TMOD3: variants seen among roughly 807,000 people sequenced by gnomAD.
TMOD3 encodes the protein tropomodulin-3.
A neutral mutation model predicts 39.2 loss-of-function variants in TMOD3; 20 were observed. The ratio of observed to expected loss-of-function variants is 0.51; its 90% confidence interval spans 0.36 to 0.74. The LOEUF is 0.74. TMOD3 is among the 30% of genes least tolerant of loss of function. The probability of loss-of-function intolerance (pLI) is 0.00; values close to 1 mark genes in which losing one functional copy is unlikely to be tolerated. For synonymous variants in TMOD3, 143 were observed against 145.8 expected (o/e 0.98, Z 0.14); for missense variants, 381 against 412.8 (o/e 0.92, Z 0.67).
At chr15:51,861,570 A>T (rs958070275) in intron 1 of TMOD3, among the ~76,000 whole-genome samples, 4 of 152,232 alleles carry the variant, frequency 2.6e-5, no homozygotes, top group African/African-American at 4.8e-5. Context: ...AAATGTATCA[A>T]ACTGAAGTAC....
chr15:51,865,899 A>G (rs1355148534), intron 2 of TMOD3, among the ~76,000 whole-genome samples: 2 of 151,860 alleles, frequency 1.3e-5, no homozygotes, highest in Admixed American at 1.3e-4. Flanking sequence ...TTTGCCAAAA[A>G]AAAAATATAT....
chr15:51,902,623 C>T (rs2056657059), intron 9 of TMOD3, among the ~76,000 whole-genome samples: 2 of 148,078 alleles, frequency 1.4e-5, no homozygotes, highest in South Asian at 4.4e-4. Context: ...GGCGTGCGCG[C>T]CGTGCCCAGC....
chr15:51,872,325 G>A (rs751928420), intron 3 of TMOD3, among the ~76,000 whole-genome samples: 16 of 151,932 alleles, frequency 1.1e-4, no homozygotes, highest in Non-Finnish European at 1.8e-4. Context: ...CTCAGGAGGC[G>A]GAGATTGCAG....
chr15:51,857,514 A>G (rs2056394315), intron 1 of TMOD3, among the ~76,000 whole-genome samples: 1 of 152,174 alleles, frequency 6.6e-6, no homozygotes, highest in South Asian at 2.1e-4. Context: ...GGCATATAGC[A>G]TTGCCTGCCT....
At chr15:51,894,939 C>G (rs60921686) in intron 6 of TMOD3, among the ~76,000 whole-genome samples, 1 of 152,106 alleles carries the variant, frequency 6.6e-6, no homozygotes, top group African/African-American at 2.4e-5. Context: ...GCAACTCTTC[C>G]TTGGAGTAAG....
intron 1 of TMOD3, among the ~76,000 whole-genome samples, chr15:51,855,731 C>A (rs2056384435): frequency 6.6e-6 from 1 of 152,140 alleles, no homozygotes; most frequent in African/African-American, 2.4e-5. Context: ...AGAATTTGTT[C>A]CTCTTCTAGA....
rs574092806 is a variant in TMOD3 at position 51,839,197 on chromosome 15, G to C, written c.-75+9361G>C. ...TTTTTTTCCATTTTGTTTGAGACTG[G>C]GTCTCACTCTGTTGCCTAGGCTGGA... On this transcript the variant is annotated intron_variant, in intron 1 of 9. Coordinates refer to ENST00000308580, the MANE Select transcript of TMOD3 (RefSeq NM_014547.5). 2.3e-3 allele frequency among the ~76,000 whole-genome samples: 183 copies of C among 80,566 alleles called. 1 individual carries two copies. The highest frequency in any genetic ancestry group is 7.0e-3 in the African/African-American group (178 of 25,582). The allele number at this position is 80,566 out of a possible 152,430, so 52.9% of individuals were successfully genotyped here.
rs1595903290 is a variant in TMOD3 at position 51,880,265 on chromosome 15, A to T, written c.284-7324A>T. On this transcript the variant is annotated intron_variant, in intron 3 of 9. Transcript: ENST00000308580. ...AGGGAACCAAATATAAATTTACTGAAGACCAAAAAACCCATACTAATAAGT... is the reference window on the plus strand; with the variant it reads ...AGGGAACCAAATATAAATTTACTGATGACCAAAAAACCCATACTAATAAGT... Among the ~76,000 whole-genome samples, 3 of 152,192 alleles carry T rather than the reference A, an allele frequency of 2.0e-5. No homozygotes were observed. In the South Asian group the frequency reaches 6.2e-4, roughly 31 times the overall value.
Position 51,905,938 on chromosome 15 carries a change from G to A in TMOD3, c.1025-2838G>A, listed in dbSNP as rs189087288. Among the ~76,000 whole-genome samples the A allele has an allele frequency of 2.8e-3, 298 of 106,248 alleles. 1 individual carries two copies. Among genetic ancestry groups the A allele is most frequent in the African/African-American group, 0.012 (281 of 23,816 alleles). 69.7% of individuals were successfully genotyped at this position (106,248 alleles called of 152,430 possible). ...CGCAGTCCGGCCTGGGCAACAGAGC[G>A]AGACTCCGTCTCAAAAAAAAAAAAA... is the stretch of plus-strand genomic sequence containing the variant. On this transcript the variant is annotated intron_variant, in intron 9 of 9. Transcript: ENST00000308580.
At chr15:51,886,038 C>T (rs1360291426) in intron 3 of TMOD3, among the ~76,000 whole-genome samples, 6 of 151,330 alleles carry the variant, frequency 4.0e-5, no homozygotes, top group South Asian at 4.2e-4. Flanking sequence ...GGGTGGCTGC[C>T]GGGCGGAGGG....
intron 1 of TMOD3, among the ~76,000 whole-genome samples, chr15:51,837,347 A>C (rs1274888106): frequency 6.6e-6 from 1 of 152,156 alleles, no homozygotes; most frequent in Non-Finnish European, 1.5e-5. Flanking sequence ...GTGACAAGAT[A>C]TGATACAACC....
chr15:51,855,779 T>C (rs956014017), intron 1 of TMOD3, among the ~76,000 whole-genome samples: 2 of 152,204 alleles, frequency 1.3e-5, no homozygotes, highest in African/African-American at 4.8e-5. Flanking sequence ...AGACATGTCA[T>C]CCCAGAACAG....
rs1025739248 is a variant in TMOD3, at chr15:51,909,942, A to G, written c.*1132A>G. The G allele has an allele frequency of 6.6e-6, 1 of 152,238 alleles. No individual in the cohort carries two copies. Among genetic ancestry groups the G allele is most frequent in the Admixed American group, 6.5e-5 (1 of 15,278 alleles). 9.4% of individuals were successfully genotyped at this position (152,238 alleles called of 1,614,324 possible). On this transcript the variant is annotated 3_prime_UTR_variant, in exon 10 of 10. Transcript: ENST00000308580. Reference sequence around the variant, plus strand: ...CTTCCTTTCATCTTATACTTTTATCAATATTTATAAAAGTCATTTCTATAA... The same window carrying G: ...CTTCCTTTCATCTTATACTTTTATCGATATTTATAAAAGTCATTTCTATAA...
chr15:51,908,996 T>C lies in TMOD3; in HGVS notation c.*186T>C. 2.4e-6 allele frequency: 1 copy of C among 412,174 alleles called. No homozygotes were observed. Among genetic ancestry groups the C allele is most frequent in the Non-Finnish European group, 4.3e-6 (1 of 231,696 alleles). The allele number at this position is 412,174 out of a possible 1,614,324, so 25.5% of individuals were successfully genotyped here. Reference sequence around the variant, plus strand: ...ATGTGATATTTTATATTCTGAAACATTTCTACTTTCTGCTAAAATCAATTT... The same window carrying C: ...ATGTGATATTTTATATTCTGAAACACTTCTACTTTCTGCTAAAATCAATTT... On this transcript the variant is annotated 3_prime_UTR_variant, in exon 10 of 10. Transcript: ENST00000308580.
At chr15:51,875,019 C>CT (rs1243024874) in intron 3 of TMOD3, 2 of 152,104 alleles carry the variant, frequency 1.3e-5, no homozygotes, top group Non-Finnish European at 2.9e-5. Context: ...CCCCTCCCTG[C>CT]TTTTTTAAAG....
chr15:51,888,790 A>T (rs1191103142), intron 4 of TMOD3, among the ~76,000 whole-genome samples: 1 of 152,190 alleles, frequency 6.6e-6, no homozygotes, highest in African/African-American at 2.4e-5. Flanking sequence ...AGCTAAGCAT[A>T]GATTTATGTT....
chr15:51,836,297 TCCCAATTCCC>T (rs34612199), intron 1 of TMOD3, among the ~76,000 whole-genome samples: 1 of 152,132 alleles, frequency 6.6e-6, no homozygotes, highest in Non-Finnish European at 1.5e-5. Context: ...ACCTAATTCC[TCCCAATTCCC>T]CCCTGGTCTC....
chr15:51,830,250 G>A (rs533875800), intron 1 of TMOD3, among the ~76,000 whole-genome samples: 3 of 152,286 alleles, frequency 2.0e-5, no homozygotes, highest in African/African-American at 7.2e-5. Context: ...TGAAAGTGGG[G>A]CGGCGGAGTG....
At chr15:51,896,983 T>G (rs2056623990) in intron 7 of TMOD3, among the ~76,000 whole-genome samples, 1 of 152,248 alleles carries the variant, frequency 6.6e-6, no homozygotes, top group South Asian at 2.1e-4. Context: ...GTGTATTGAT[T>G]GACTTTTATA....
Sources: gnomAD v4.1 joint callset for allele counts (sites outside exome capture counted in the v4.1 genomes callset) on GRCh38, gnomAD v4.1.1 for gene constraint, MANE v1.5 for transcripts, NCBI Gene and HGNC (gene_info 2026-07-23, HGNC 2026-07-21) for gene names.